NTM: variants seen among roughly 807,000 people sequenced by gnomAD.
NTM encodes neurotrimin.
A neutral mutation model predicts 42.1 loss-of-function variants in NTM; 13 were observed. The observed-to-expected ratio is 0.31, with a 90% CI of 0.20 to 0.49. NTM has a LOEUF of 0.49. Among genes scored for constraint, NTM ranks in the 20% least tolerant of loss-of-function variants. The probability of loss-of-function intolerance (pLI) is 0.99; values close to 1 mark genes in which losing one functional copy is unlikely to be tolerated. For synonymous variants in NTM, 187 were observed against 179.2 expected (o/e 1.04, Z -0.35); for missense variants, 373 against 452.8 (o/e 0.82, Z 1.60).
chr11:131,552,116 C>T (rs1389960796), intron 1 of NTM, among the ~76,000 whole-genome samples: 1 of 151,496 alleles, frequency 6.6e-6, no homozygotes, highest in Non-Finnish European at 1.5e-5. Flanking sequence ...GGCACACCCA[C>T]CAGAATGAGG....
chr11:132,141,673 C>T (rs542977581), intron 2 of NTM, among the ~76,000 whole-genome samples: 1 of 152,262 alleles, frequency 6.6e-6, no homozygotes, highest in East Asian at 1.9e-4. Context: ...CAGTATAGGC[C>T]TATTCTCTAA....
At chr11:131,984,129 C>T (rs1018654874) in intron 2 of NTM, among the ~76,000 whole-genome samples, 3 of 152,344 alleles carry the variant, frequency 2.0e-5, no homozygotes, top group Middle Eastern at 3.4e-3. Context: ...TTGTACCCTT[C>T]TTCACATACT....
At position 132,148,012 on chromosome 11, in the gene NTM, T is replaced by G. The variant is rs562265891; in HGVS notation, c.400+1498T>G. 1.4e-3 allele frequency among the ~76,000 whole-genome samples: 216 copies of G among 152,306 alleles called. 1 individual carries two copies. The highest frequency in any genetic ancestry group is 2.2e-3 in the Non-Finnish European group (147 of 68,014). On this transcript the variant is annotated intron_variant, in intron 3 of 8. Coordinates refer to ENST00000683400, the MANE Select transcript of NTM (RefSeq NM_001352005.2). Reference sequence around the variant, plus strand: ...CATGAGAACAAGGTGATGCTGGACCTGGCTGTGGGCAGAACGTATGCCAGG... The same window carrying G: ...CATGAGAACAAGGTGATGCTGGACCGGGCTGTGGGCAGAACGTATGCCAGG...
chr11:131,559,694 G>T (rs1220122157), intron 1 of NTM, among the ~76,000 whole-genome samples: 1 of 152,180 alleles, frequency 6.6e-6, no homozygotes, highest in Non-Finnish European at 1.5e-5. Flanking sequence ...TTCAAATAGT[G>T]GTCTAGGGCT....
At chr11:131,708,006 G>A (rs978114340) in intron 1 of NTM, among the ~76,000 whole-genome samples, 17 of 152,104 alleles carry the variant, frequency 1.1e-4, no homozygotes, top group Admixed American at 1.1e-3. Context: ...ATCTTACACA[G>A]AGGAAACTCT....
At chr11:132,273,771 G>T (rs946069228) in intron 4 of NTM, among the ~76,000 whole-genome samples, 1 of 152,096 alleles carries the variant, frequency 6.6e-6, no homozygotes, top group African/African-American at 2.4e-5. Context: ...AGCCAGCGTG[G>T]TGGTGCATGC....
chr11:131,926,794 C>A (rs980743225), intron 2 of NTM, among the ~76,000 whole-genome samples: 1 of 152,076 alleles, frequency 6.6e-6, no homozygotes, highest in African/African-American at 2.4e-5. Flanking sequence ...GATGTGTCAC[C>A]CCTGCAGCAC....
At chr11:131,699,755 C>T (rs1340206911) in intron 1 of NTM, among the ~76,000 whole-genome samples, 1 of 152,118 alleles carries the variant, frequency 6.6e-6, no homozygotes, top group African/African-American at 2.4e-5. Flanking sequence ...ATAAAACCAT[C>T]AGATCTCATG....
In NTM at chr11:131,510,436, C is replaced by A. The variant is rs528935045; in HGVS notation, c.82+139548C>A. The stretch of plus-strand genomic sequence containing the variant: ...AGTGGATGGGTCTGCTTACCAACTG[C>A]CCTTTCATGTTTCCTAGCCATCCAA... On this transcript the variant is annotated intron_variant, in intron 1 of 8. Coordinates refer to ENST00000683400, the MANE Select transcript of NTM (RefSeq NM_001352005.2). Among the ~76,000 whole-genome samples, 64 of 152,214 alleles carry A rather than the reference C, an allele frequency of 4.2e-4. No homozygotes were observed. The East Asian group carries it at 5.2e-3, about 12-fold the overall frequency.
At chr11:131,686,993 G>A (rs1473728147) in intron 1 of NTM, among the ~76,000 whole-genome samples, 4 of 152,150 alleles carry the variant, frequency 2.6e-5, no homozygotes, top group Non-Finnish European at 5.9e-5. Context: ...CGGAGCCCAG[G>A]CCGCAGGGCC....
chr11:131,921,503 C>G (rs1330838517), intron 2 of NTM, among the ~76,000 whole-genome samples: 1 of 152,186 alleles, frequency 6.6e-6, no homozygotes, highest in Non-Finnish European at 1.5e-5. Flanking sequence ...CTTCTGGGCT[C>G]TAGAACTGTG....
chr11:132,259,341 T>C (rs976723153), intron 4 of NTM, among the ~76,000 whole-genome samples: 9 of 152,034 alleles, frequency 5.9e-5, no homozygotes, highest in Non-Finnish European at 1.3e-4. Context: ...AAAAGAAATG[T>C]AGAAACTGCA....
At chr11:131,460,189 T>C (rs1219378509) in intron 1 of NTM, among the ~76,000 whole-genome samples, 1 of 152,164 alleles carries the variant, frequency 6.6e-6, no homozygotes, top group Non-Finnish European at 1.5e-5. Context: ...GCCCAGATGA[T>C]GAATAGACTA....
intron 4 of NTM, among the ~76,000 whole-genome samples, chr11:132,263,133 T>A (rs916931106): frequency 6.6e-6 from 1 of 152,176 alleles, no homozygotes; most frequent in Non-Finnish European, 1.5e-5. Context: ...CCAGACCCAG[T>A]GGGGTGGCAG....
chr11:131,795,274 T>G, intron 1 of NTM: 2 of 489,118 alleles, frequency 4.1e-6, no homozygotes, highest in Non-Finnish European at 5.3e-6. Flanking sequence ...ATTTCTTCCT[T>G]ATAGGGTTGT....
chr11:132,211,820 C>A, intron 3 of NTM: 1 of 405,742 alleles, frequency 2.5e-6, no homozygotes, highest in Non-Finnish European at 4.4e-6. Flanking sequence ...GACTCCCTGA[C>A]TTTGTGTTTA....
At chr11:131,721,043 A>T (rs1055408381) in intron 1 of NTM, among the ~76,000 whole-genome samples, 7 of 152,140 alleles carry the variant, frequency 4.6e-5, no homozygotes, top group African/African-American at 1.7e-4. Flanking sequence ...TTCCTATGAA[A>T]AACTATTGCA....
intron 2 of NTM, among the ~76,000 whole-genome samples, chr11:132,131,728 A>G (rs1053186299): frequency 6.6e-6 from 1 of 152,160 alleles, no homozygotes. Context: ...AAGGCTCTTG[A>G]ACAAGTGATT....
At chr11:131,838,582 C>T (rs2043815662) in intron 1 of NTM, among the ~76,000 whole-genome samples, 1 of 152,006 alleles carries the variant, frequency 6.6e-6, no homozygotes, top group African/African-American at 2.4e-5. Flanking sequence ...TGCCAGTATC[C>T]AGGGTCAATA....
Sources: gnomAD v4.1 joint callset for allele counts (sites outside exome capture counted in the v4.1 genomes callset) on GRCh38, gnomAD v4.1.1 for gene constraint, MANE v1.5 for transcripts, NCBI Gene and HGNC (gene_info 2026-07-23, HGNC 2026-07-21) for gene names.